PRMT9: variants seen among roughly 807,000 people sequenced by gnomAD.
PRMT9 encodes the protein protein arginine methyltransferase 9.
PRMT9 carries 59 observed loss-of-function variants against 83.2 expected under a neutral mutation model. The ratio of observed to expected loss-of-function variants is 0.71; its 90% confidence interval spans 0.57 to 0.88. The LOEUF (loss-of-function observed/expected upper bound fraction) is 0.88. Ranked by LOEUF, PRMT9 falls within the 40% of genes least tolerant of loss-of-function variation. The probability of loss-of-function intolerance (pLI) is 0.00; values close to 1 mark genes in which losing one functional copy is unlikely to be tolerated. For synonymous variants in PRMT9, 333 were observed against 353.2 expected (o/e 0.94, Z 0.64); for missense variants, 947 against 1,021.9 (o/e 0.93, Z 1.00).
intron 6 of PRMT9, among the ~76,000 whole-genome samples, chr4:147,662,150 A>C (rs1293367716): frequency 6.6e-6 from 1 of 152,230 alleles, no homozygotes; most frequent in Non-Finnish European, 1.5e-5. Flanking sequence ...GTAATATAAC[A>C]GACAAATCTA....
At chr4:147,682,363 G>T (rs1412851314) in intron 1 of PRMT9, among the ~76,000 whole-genome samples, 1 of 152,144 alleles carries the variant, frequency 6.6e-6, no homozygotes, top group African/African-American at 2.4e-5. Context: ...ACTTTTAGTA[G>T]AGACGGGGTT....
rs1455391660 is a variant in PRMT9 at position 147,638,088 on chromosome 4, C to T, written c.*444G>A. On this transcript the variant is annotated 3_prime_UTR_variant, in exon 12 of 12. Transcript: ENST00000322396. ...CAAAACCTGAGATGTTTCAGATGTA[C>T]ACTGAGTATTTAAAGGAAGCAAGAT... 5.2e-6 allele frequency: 1 copy of T among 192,318 alleles called. No individual in the cohort carries two copies. Among genetic ancestry groups the T allele is most frequent in the Non-Finnish European group, 1.1e-5 (1 of 93,112 alleles). 11.9% of individuals were successfully genotyped at this position (192,318 alleles called of 1,614,324 possible).
intron 10 of PRMT9, among the ~76,000 whole-genome samples, chr4:147,642,458 CTTG>C (rs1254865087): frequency 1.1e-4 from 16 of 152,254 alleles, no homozygotes; most frequent in African/African-American, 3.4e-4. Flanking sequence ...CCAGGCTGGT[CTTG>C]AACGCCTGAC....
At chr4:147,658,102 G>A in intron 7 of PRMT9, 127 bp from the exon 8 acceptor site, 1 of 693,400 alleles carries the variant, frequency 1.4e-6, no homozygotes, top group Non-Finnish European at 2.6e-6. Context: ...CAGTATCTTG[G>A]CACACCTATA....
intron 2 of PRMT9, among the ~76,000 whole-genome samples, 171 bp from the exon 3 acceptor site, chr4:147,674,045 G>A (rs1206683223): frequency 6.6e-6 from 1 of 152,184 alleles, no homozygotes; most frequent in Non-Finnish European, 1.5e-5. Context: ...GCAAGCCTCA[G>A]TATTTCTTTC....
In PRMT9 at chr4:147,668,521, A is replaced by C. The variant is rs551779998; in HGVS notation, c.953+18T>G. The C allele has an allele frequency of 1.6e-4, 220 of 1,414,062 alleles. 4 individuals are homozygous for C. In the South Asian group the frequency reaches 2.0e-3, roughly 13 times the overall value. 87.6% of individuals were successfully genotyped at this position (1,414,062 alleles called of 1,614,324 possible). ...GGAGGTGCTTTATAGCAGTGTGAAA[A>C]TGGACTAATACACTTACCTATGATG... On this transcript the variant is annotated intron_variant, in intron 6 of 11. Transcript: ENST00000322396.
intron 2 of PRMT9, among the ~76,000 whole-genome samples, chr4:147,674,314 G>T (rs1306970037): frequency 6.6e-6 from 1 of 152,076 alleles, no homozygotes; most frequent in Non-Finnish European, 1.5e-5. Context: ...TATGTCAGTT[G>T]TACTTGTTAT....
chr4:147,655,624 C>T (rs1304048853), intron 8 of PRMT9, among the ~76,000 whole-genome samples: 22 of 151,938 alleles, frequency 1.4e-4, no homozygotes, highest in Admixed American at 1.4e-3. Flanking sequence ...ATCACTGTGG[C>T]CTCAATCTCA....
Position 147,638,510 on chromosome 4 carries a change from G to C in PRMT9, c.*22C>G, listed in dbSNP as rs1395335173. ...TACTTGTTGATGCTCTATTTACACA[G>C]TTTTCATTGGAAAACTGCTCTTCAT... On this transcript the variant is annotated 3_prime_UTR_variant, in exon 12 of 12. Transcript: ENST00000322396. The C allele has an allele frequency of 3.8e-6, 6 of 1,588,826 alleles. No homozygotes were observed. Among genetic ancestry groups the C allele is most frequent in the Non-Finnish European group, 5.2e-6 (6 of 1,157,504 alleles).
chr4:147,661,488 T>C (rs1734943620), intron 6 of PRMT9, among the ~76,000 whole-genome samples: 1 of 151,898 alleles, frequency 6.6e-6, no homozygotes, highest in African/African-American at 2.4e-5. Context: ...ACCCAGGAAA[T>C]GGAGTTAAAA....
chr4:147,653,437 C>T (rs567430924), intron 9 of PRMT9, among the ~76,000 whole-genome samples: 2 of 119,744 alleles, frequency 1.7e-5, no homozygotes, highest in East Asian at 2.3e-4. Flanking sequence ...AGCGAAACTC[C>T]GTCTTAAAAA....
chr4:147,671,506 A>G (rs1249151866), intron 4 of PRMT9, among the ~76,000 whole-genome samples: 1 of 152,264 alleles, frequency 6.6e-6, no homozygotes, highest in African/African-American at 2.4e-5. Flanking sequence ...AGAAGATAAG[A>G]AAAGTTTCAT....
At chr4:147,639,398 AAAC>A (rs1733231416) in intron 10 of PRMT9, 2 of 282,380 alleles carry the variant, frequency 7.1e-6, no homozygotes, top group African/African-American at 2.2e-5. Flanking sequence ...TTCTTAAGCC[AAAC>A]AGCTCTAAAA....
chr4:147,638,949 G>A lies in PRMT9; in HGVS notation c.2322+11C>T. The A allele has an allele frequency of 6.2e-7, 1 of 1,609,084 alleles. No homozygotes were observed. The highest frequency in any genetic ancestry group is 8.5e-7 in the Non-Finnish European group (1 of 1,175,664). On this transcript the variant is annotated intron_variant, in intron 11 of 11. Coordinates refer to ENST00000322396, the MANE Select transcript of PRMT9 (RefSeq NM_138364.4). ...AATAACAAACGAAATCATTTTGCAT[G>A]TTGTCCTTACCTTTACTTCTCTGTT...
intron 2 of PRMT9, among the ~76,000 whole-genome samples, chr4:147,678,088 T>C (rs759622300): frequency 5.3e-5 from 8 of 152,072 alleles, no homozygotes; most frequent in African/African-American, 9.7e-5. Flanking sequence ...CCCTGCACAG[T>C]CTAGTGAGCC....
At chr4:147,681,852 G>A (rs1736491612) in intron 1 of PRMT9, among the ~76,000 whole-genome samples, 1 of 151,880 alleles carries the variant, frequency 6.6e-6, no homozygotes, top group Non-Finnish European at 1.5e-5. Flanking sequence ...GTGGCTTGGT[G>A]TGGCCGGAGT....
chr4:147,683,279 G>A (rs1736616240), intron 1 of PRMT9, among the ~76,000 whole-genome samples: 1 of 152,130 alleles, frequency 6.6e-6, no homozygotes, highest in Admixed American at 6.6e-5. Context: ...TTTCCAATTC[G>A]AGGGCCTTTA....
chr4:147,647,412 G>A (rs1254325646), intron 9 of PRMT9, among the ~76,000 whole-genome samples: 4 of 151,934 alleles, frequency 2.6e-5, no homozygotes, highest in Non-Finnish European at 5.9e-5. Flanking sequence ...CCATTCCCTA[G>A]CCACCAGTCC....
chr4:147,662,982 A>G (rs556659585), intron 6 of PRMT9, among the ~76,000 whole-genome samples: 1 of 152,166 alleles, frequency 6.6e-6, no homozygotes, highest in East Asian at 1.9e-4. Flanking sequence ...CTCTCAAAAG[A>G]TGAATCAGCA....
Sources: gnomAD v4.1 joint callset for allele counts (sites outside exome capture counted in the v4.1 genomes callset) on GRCh38, gnomAD v4.1.1 for gene constraint, MANE v1.5 for transcripts, NCBI Gene and HGNC (gene_info 2026-07-23, HGNC 2026-07-21) for gene names.